The following ZNF732 variants were observed in gnomAD, a reference collection of about 807,000 sequenced individuals.
The protein encoded by ZNF732 is zinc finger protein LOC654254.
Under a neutral mutation model 11.5 loss-of-function variants are expected in ZNF732, and 12 were observed. The ratio of observed to expected loss-of-function variants is 1.05; its 90% CI spans 0.67 to 1.70. The LOEUF is 1.70. ZNF732 is among the 40% of genes most tolerant of loss of function. ZNF732 has a pLI of 0.00. For missense variants in ZNF732, 702 were observed against 676.9 expected (o/e 1.04, Z -0.41); for synonymous variants, 231 against 236.5 (o/e 0.98, Z 0.21).
chr4:271,565 GTGGAC>G lies in ZNF732; in HGVS notation c.1287_1291del (p.Trp429CysfsTer5). ...AATTATCTTATGTTTATTCAGGTCTGTGGACCATCCAAAGGCTTTGCCACACTCTT... is the reference window on the plus strand; with the variant it reads ...AATTATCTTATGTTTATTCAGGTCTGCATCCAAAGGCTTTGCCACACTCTT... On this transcript the variant is annotated frameshift_variant, in exon 4 of 4. Coordinates refer to ENST00000419098, the MANE Select transcript of ZNF732 (RefSeq NM_001137608.3). LOFTEE classifies it low-confidence loss of function (END_TRUNC). 6.2e-7 allele frequency: 1 copy of G among 1,607,544 alleles called. No individual in the cohort carries two copies. Among genetic ancestry groups the G allele is most frequent in the Non-Finnish European group, 8.5e-7 (1 of 1,177,506 alleles).
intron 3 of ZNF732, among the ~76,000 whole-genome samples, chr4:292,328 C>T (rs1183876738): frequency 1.3e-5 from 2 of 151,952 alleles, no homozygotes; most frequent in African/African-American, 4.8e-5. Flanking sequence ...GAGGCCGAGG[C>T]GGGCAGATCA....
In ZNF732 at chr4:270,788, TTTTC is replaced by T. The variant is rs1719333889; in HGVS notation, c.*307_*310del. The T allele has an allele frequency of 1.8e-6, 1 of 542,306 alleles. No homozygotes were observed. The highest frequency in any genetic ancestry group is 3.5e-6 in the Non-Finnish European group (1 of 287,344). The allele number at this position is 542,306 out of a possible 1,614,324, so 33.6% of individuals were successfully genotyped here. A position where few individuals can be genotyped will look rare whatever the true frequency, so the allele number is the denominator to read the frequency against. ...TTGTAGGATTCATCTCCCATATGAA[TTTTC>T]TTATGTTCACTCAGGGTTGTGGACC... On this transcript the variant is annotated 3_prime_UTR_variant, in exon 4 of 4. Coordinates refer to ENST00000419098, the MANE Select transcript of ZNF732 (RefSeq NM_001137608.3).
chr4:285,066 C>T (rs781792392), intron 3 of ZNF732, among the ~76,000 whole-genome samples: 1 of 152,032 alleles, frequency 6.6e-6, no homozygotes. Flanking sequence ...TTTACAATAA[C>T]CACATCCAAC....
In ZNF732 at chr4:296,150, G is replaced by C. The variant is rs1719947993; in HGVS notation, c.9C>G (p.Leu3=). The change falls in exon 2 of 4, where the codon CTC becomes CTG. Residue 3 remains leucine (L), a synonymous_variant. Transcript: ENST00000419098. ...CTATGGCCACATCCCTGAATGTTAA[G>C]AGTTCCTGAAAATATATATGTATCA... ME[L]LTFRDVAIEF... 1 of 1,610,768 alleles carries C rather than the reference G, an allele frequency of 6.2e-7. No homozygotes were observed. The highest frequency in any genetic ancestry group is 1.1e-5 in the South Asian group (1 of 90,400).
chr4:280,616 G>A (rs143726100), intron 3 of ZNF732, among the ~76,000 whole-genome samples: 69 of 152,230 alleles, frequency 4.5e-4, no homozygotes, highest in African/African-American at 1.5e-3. Context: ...TCCTGAAAAA[G>A]GAAATTTATG....
Position 299,454 on chromosome 4 carries a change from CAT to C in ZNF732, c.4-3301_4-3300del, listed in dbSNP as rs1415511353. ...ATATGTGTATATATATATATATACACATATGTGTATATATATATACACATATA... is the reference window on the plus strand; with the variant it reads ...ATATGTGTATATATATATATATACACATGTGTATATATATATACACATATA... On this transcript the variant is annotated intron_variant, in intron 1 of 3. Transcript: ENST00000419098. Among the ~76,000 whole-genome samples, 41 of 55,384 alleles carry C rather than the reference CAT, an allele frequency of 7.4e-4. 2 individuals carry two copies. Among genetic ancestry groups the C allele is most frequent in the South Asian group, 1.1e-3 (1 of 902 alleles). 36.3% of individuals were successfully genotyped at this position (55,384 alleles called of 152,430 possible).
intron 1 of ZNF732, among the ~76,000 whole-genome samples, chr4:301,639 G>A (rs898980987): frequency 2.6e-5 from 4 of 152,156 alleles, no homozygotes; most frequent in African/African-American, 9.7e-5. Context: ...AACACCGCAT[G>A]TTCTCATTCA....
At chr4:291,217 C>T (rs1252086786) in intron 3 of ZNF732, among the ~76,000 whole-genome samples, 2 of 152,148 alleles carry the variant, frequency 1.3e-5, no homozygotes, top group African/African-American at 4.8e-5. Context: ...TATCAGGATA[C>T]GTAATCAACA....
At chr4:276,669 A>G (rs1719503996) in intron 3 of ZNF732, among the ~76,000 whole-genome samples, 2 of 151,994 alleles carry the variant, frequency 1.3e-5, no homozygotes, top group Admixed American at 6.6e-5. Context: ...AAAAGACATG[A>G]AAATTTGAAA....
chr4:294,732 C>A (rs1719909727), intron 3 of ZNF732, among the ~76,000 whole-genome samples: 1 of 152,132 alleles, frequency 6.6e-6, no homozygotes, highest in Admixed American at 6.5e-5. Context: ...TCACGTGTGG[C>A]TCAAGACAAT....
At chr4:284,334 A>C (rs556172918) in intron 3 of ZNF732, among the ~76,000 whole-genome samples, 11 of 152,204 alleles carry the variant, frequency 7.2e-5, no homozygotes, top group Non-Finnish European at 1.2e-4. Context: ...TGATGAGTCA[A>C]AGAAGAAAAA....
At chr4:286,729 G>A (rs140676057) in intron 3 of ZNF732, among the ~76,000 whole-genome samples, 1 of 152,260 alleles carries the variant, frequency 6.6e-6, no homozygotes, top group East Asian at 1.9e-4. Context: ...GGGTATATGT[G>A]CAAGTTTGTT....
chr4:285,437 T>C (rs184266776), intron 3 of ZNF732, among the ~76,000 whole-genome samples: 2 of 152,302 alleles, frequency 1.3e-5, no homozygotes, highest in East Asian at 3.9e-4. Context: ...TGGGCACTTA[T>C]GTGTCCTATT....
chr4:304,674 G>T (rs901052601), intron 1 of ZNF732, among the ~76,000 whole-genome samples: 1 of 152,168 alleles, frequency 6.6e-6, no homozygotes, highest in African/African-American at 2.4e-5. Flanking sequence ...CAATAATGTG[G>T]CAGAACTACT....
intron 1 of ZNF732, among the ~76,000 whole-genome samples, chr4:297,846 G>T (rs965634888): frequency 1.6e-4 from 24 of 152,186 alleles, no homozygotes; most frequent in African/African-American, 5.8e-4. Flanking sequence ...AGATTTCAGT[G>T]TGGGGTCAGA....
intron 3 of ZNF732, among the ~76,000 whole-genome samples, chr4:289,238 T>G (rs560134553): frequency 5.3e-5 from 8 of 152,256 alleles, no homozygotes; most frequent in Non-Finnish European, 5.9e-5. Context: ...GAAGTGAGAC[T>G]TGGGTAGTAG....
chr4:293,085 A>C (rs1306767454), intron 3 of ZNF732, among the ~76,000 whole-genome samples: 2 of 147,424 alleles, frequency 1.4e-5, no homozygotes, highest in East Asian at 3.9e-4. Flanking sequence ...AAAAAAAAAA[A>C]AAAAAACCAG....
chr4:297,349 T>C (rs1719975565), intron 1 of ZNF732, among the ~76,000 whole-genome samples: 1 of 151,984 alleles, frequency 6.6e-6, no homozygotes, highest in Non-Finnish European at 1.5e-5. Flanking sequence ...CTCAGGAGTA[T>C]GTCACAGAGC....
chr4:272,649 A>C lies in ZNF732; in HGVS notation c.227-19T>G. ...CACACAGCTGAAAGAAATAAAAATA[A>C]ATTATCCTGCTTACTAGATTCATAC... On this transcript the variant is annotated intron_variant, in intron 3 of 3. Coordinates refer to ENST00000419098, the MANE Select transcript of ZNF732 (RefSeq NM_001137608.3). The C allele has an allele frequency of 6.7e-7, 1 of 1,486,308 alleles. No homozygotes were observed. Among genetic ancestry groups the C allele is most frequent in the Non-Finnish European group, 8.9e-7 (1 of 1,118,764 alleles). 92.1% of individuals were successfully genotyped at this position (1,486,308 alleles called of 1,614,324 possible).
Sources: gnomAD v4.1 joint callset for allele counts (sites outside exome capture counted in the v4.1 genomes callset) on GRCh38, gnomAD v4.1.1 for gene constraint, MANE v1.5 for transcripts, NCBI Gene and HGNC (gene_info 2026-07-23, HGNC 2026-07-21) for gene names.